The following TOX2 variants were observed in gnomAD, a reference collection of about 807,000 sequenced individuals.
TOX2 encodes the protein TOX high mobility group box family member 2, also known as granulosa cell HMG box 1.
Under a neutral mutation model 47.4 loss-of-function variants are expected in TOX2, and 15 were observed. The observed-to-expected ratio is 0.32, with a 90% CI of 0.21 to 0.49. The LOEUF (loss-of-function observed/expected upper bound fraction) is 0.49. Among genes scored for constraint, TOX2 ranks in the 20% least tolerant of loss-of-function variants. TOX2 has a pLI of 0.99. For missense variants in TOX2, 622 were observed against 673.1 expected, an observed-to-expected ratio of 0.92 and a Z score of 0.84; for synonymous variants, 290 against 296.6, an observed-to-expected ratio of 0.98 and a Z score of 0.23.
intron 1 of TOX2, among the ~76,000 whole-genome samples, chr20:43,941,350 G>A: frequency 8.5e-6 from 1 of 117,998 alleles, no homozygotes; most frequent in African/African-American, 3.4e-5. Context: ...AGTATTTTTT[G>A]AGACAGAATT....
At chr20:44,068,125 G>A (rs988516473) in intron 8 of TOX2, among the ~76,000 whole-genome samples, 3 of 152,070 alleles carry the variant, frequency 2.0e-5, no homozygotes, top group African/African-American at 7.2e-5. Flanking sequence ...ACCCCAAGCA[G>A]GTGCAGACCC....
chr20:44,020,296 A>G (rs2070955247), intron 3 of TOX2, among the ~76,000 whole-genome samples: 1 of 152,066 alleles, frequency 6.6e-6, no homozygotes. Context: ...ATAACTTCCT[A>G]CGTAAGACGG....
intron 4 of TOX2, among the ~76,000 whole-genome samples, chr20:44,053,183 A>C (rs955301411): frequency 6.6e-5 from 10 of 152,214 alleles, no homozygotes; most frequent in African/African-American, 2.4e-4. Context: ...GGGCATCCCA[A>C]CACCACCCCA....
intron 2 of TOX2, among the ~76,000 whole-genome samples, chr20:43,997,808 A>T (rs1358143436): frequency 6.6e-6 from 1 of 152,096 alleles, no homozygotes; most frequent in East Asian, 1.9e-4. Context: ...TGTTCTCATC[A>T]TTTCAGTTGT....
At position 44,047,301 on chromosome 20, in the gene TOX2, C is replaced by T. The variant is rs964295871; in HGVS notation, c.412-4005C>T. Among the ~76,000 whole-genome samples, 5 of 152,096 alleles carry T rather than the reference C, an allele frequency of 3.3e-5. No individual in the cohort carries two copies. In the East Asian group the frequency reaches 9.6e-4, roughly 29 times the overall value. Reference sequence around the variant, plus strand: ...AACCAAAAATGTCTTCAGAGAAATGCCCCCTGCATGGTAAAATTGCTCATC... The same window carrying T: ...AACCAAAAATGTCTTCAGAGAAATGTCCCCTGCATGGTAAAATTGCTCATC... On this transcript the variant is annotated intron_variant, in intron 3 of 8. Coordinates refer to ENST00000341197, the MANE Select transcript of TOX2 (RefSeq NM_001098797.2).
At chr20:44,009,645 C>T (rs1204568852) in intron 3 of TOX2, among the ~76,000 whole-genome samples, 2 of 152,310 alleles carry the variant, frequency 1.3e-5, no homozygotes, top group East Asian at 1.9e-4. Context: ...ACATGCTTAG[C>T]GTTTCAGTAA....
chr20:44,066,094 C>G lies in TOX2; in HGVS notation c.1343C>G (p.Pro448Arg), dbSNP rs1326636614. 5.8e-6 allele frequency: 9 copies of G among 1,554,504 alleles called. No homozygotes were observed. The highest frequency in any genetic ancestry group is 7.0e-6 in the Non-Finnish European group (8 of 1,150,682). The change falls in exon 7 of 9, where the codon CCT (proline) becomes CGT (arginine). Residue 448 changes from proline (P) to arginine (R), a missense_variant. By Grantham distance (103) the Pro-to-Arg change is moderately radical. Transcript: ENST00000341197. ...GTGCAGCTGGCGATGAGCCCCTCAC[C>G]TCCAGGGCCACAGGTAAGCAGGGAA... ...LQVQLAMSPSPPGPQDFPHIS... is the reference protein window; with the variant it reads ...LQVQLAMSPSRPGPQDFPHIS...
At chr20:43,976,768 A>G (rs2070083518) in intron 2 of TOX2, among the ~76,000 whole-genome samples, 1 of 143,662 alleles carries the variant, frequency 7.0e-6, no homozygotes, top group Non-Finnish European at 1.5e-5. Flanking sequence ...TGAACTCACA[A>G]CGCGAGCGCG....
chr20:44,035,309 G>A (rs1324977034), intron 3 of TOX2, among the ~76,000 whole-genome samples: 1 of 152,236 alleles, frequency 6.6e-6, no homozygotes, highest in East Asian at 1.9e-4. Context: ...GGCCTCTGAA[G>A]CCTCAGTGAA....
chr20:44,026,659 C>A (rs1050967715), intron 3 of TOX2, among the ~76,000 whole-genome samples: 4 of 152,104 alleles, frequency 2.6e-5, no homozygotes, highest in African/African-American at 4.8e-5. Flanking sequence ...TGTGTGGCTT[C>A]TTCTGCCTCC....
At chr20:44,058,699 T>C (rs2071665907) in intron 5 of TOX2, among the ~76,000 whole-genome samples, 1 of 152,196 alleles carries the variant, frequency 6.6e-6, no homozygotes, top group African/African-American at 2.4e-5. Context: ...AGGAGAGACC[T>C]GAAGACAGAT....
intron 1 of TOX2, among the ~76,000 whole-genome samples, chr20:43,950,030 C>G (rs904935156): frequency 1.6e-5 from 1 of 61,326 alleles, no homozygotes; most frequent in Non-Finnish European, 3.2e-5. Context: ...CACCTAGCCT[C>G]TCTGCTTTGG....
chr20:43,934,166 AGAC>A (rs1569010320), intron 1 of TOX2, among the ~76,000 whole-genome samples: 20 of 149,490 alleles, frequency 1.3e-4, no homozygotes, highest in African/African-American at 4.5e-4. Flanking sequence ...AGAGAGAGAG[AGAC>A]CTGCCCTCAG....
chr20:43,944,382 C>G (rs926541370), intron 1 of TOX2, among the ~76,000 whole-genome samples: 2 of 152,168 alleles, frequency 1.3e-5, no homozygotes, highest in African/African-American at 2.4e-5. Context: ...TAGAGGAGCT[C>G]TCTTTGGGGA....
chr20:44,040,103 G>A (rs531517622), intron 3 of TOX2, among the ~76,000 whole-genome samples: 5 of 152,224 alleles, frequency 3.3e-5, no homozygotes, highest in African/African-American at 1.2e-4. Context: ...TGGAGGGATG[G>A]GCAGGGTCTC....
chr20:43,982,246 C>T (rs896719458), intron 2 of TOX2, among the ~76,000 whole-genome samples: 6 of 151,918 alleles, frequency 3.9e-5, no homozygotes, highest in Non-Finnish European at 7.4e-5. Context: ...CAGGGGACTG[C>T]GGGTGAGAGG....
At chr20:43,964,056 C>T (rs2069807597) in intron 1 of TOX2, among the ~76,000 whole-genome samples, 1 of 151,786 alleles carries the variant, frequency 6.6e-6, no homozygotes, top group Admixed American at 6.6e-5. Flanking sequence ...TAGTCATACC[C>T]ATTTTGCAGA....
At chr20:43,933,420 G>C (rs1202957451) in intron 1 of TOX2, among the ~76,000 whole-genome samples, 22 of 152,244 alleles carry the variant, frequency 1.4e-4, no homozygotes, top group Admixed American at 1.4e-3. Context: ...AGGGTCTTGT[G>C]AGAACGCAGA....
chr20:44,018,434 C>T (rs2070918440), intron 3 of TOX2, among the ~76,000 whole-genome samples: 2 of 152,176 alleles, frequency 1.3e-5, no homozygotes, highest in Non-Finnish European at 2.9e-5. Flanking sequence ...CAGCTGCAGC[C>T]TCGATATTAC....
Sources: allele counts gnomAD v4.1 joint callset (sites outside exome capture counted in the v4.1 genomes callset), GRCh38; gene constraint gnomAD v4.1.1; transcripts MANE v1.5; gene names NCBI Gene and HGNC (gene_info 2026-07-23, HGNC 2026-07-21).